CNTNAP3B: variants seen among roughly 807,000 people sequenced by gnomAD.
CNTNAP3B encodes contactin-associated protein-like 3B.
CNTNAP3B carries 25 observed loss-of-function variants against 108.9 expected under a neutral mutation model. That is an observed-to-expected ratio of 0.23 (90% CI 0.17 to 0.32). The LOEUF (loss-of-function observed/expected upper bound fraction) is 0.32, where lower values mean the gene tolerates loss of function less well. CNTNAP3B is among the 10% of genes least tolerant of loss of function. The pLI, the probability that CNTNAP3B is intolerant of heterozygous loss-of-function variation, is 1.00. For missense variants in CNTNAP3B, 252 were observed against 1,210.4 expected, an observed-to-expected ratio of 0.21 and a Z score of 11.75; for synonymous variants, 103 against 473.4, an observed-to-expected ratio of 0.22 and a Z score of 10.16.
At chr9:41,976,892 C>T (rs1376183225) in intron 9 of CNTNAP3B, among the ~76,000 whole-genome samples, 3 of 136,544 alleles carry the variant, frequency 2.2e-5, no homozygotes, top group Non-Finnish European at 4.7e-5. Context: ...TGCACTCCAG[C>T]CTGGGCAACA....
intron 2 of CNTNAP3B, among the ~76,000 whole-genome samples, chr9:42,097,029 G>A (rs1215116819): frequency 1.5e-5 from 2 of 137,806 alleles, no homozygotes; most frequent in Admixed American, 1.4e-4. Context: ...TGGGATTACA[G>A]GCGTGAACCA....
At chr9:41,968,862 A>G (rs2118254928) in intron 10 of CNTNAP3B, among the ~76,000 whole-genome samples, 1 of 150,494 alleles carries the variant, frequency 6.6e-6, no homozygotes, top group Non-Finnish European at 1.5e-5. Flanking sequence ...CAGTGGCACT[A>G]TCTCATTCAC....
intron 2 of CNTNAP3B, among the ~76,000 whole-genome samples, chr9:42,103,296 A>AATTGTTC (rs1274553339): frequency 6.7e-6 from 1 of 149,174 alleles, no homozygotes; most frequent in African/African-American, 2.6e-5. Flanking sequence ...TGAAAAGTTA[A>AATTGTTC]ATTGTTCATG....
intron 3 of CNTNAP3B, among the ~76,000 whole-genome samples, chr9:42,058,272 T>G (rs538389995): frequency 0.025 from 3,834 of 151,252 alleles, 55 homozygotes; most frequent in African/African-American, 0.089. Flanking sequence ...TATTTTTGAT[T>G]TTTTGAGGAA....
chr9:41,967,492 A>G (rs1170891011), intron 10 of CNTNAP3B, among the ~76,000 whole-genome samples: 1 of 152,380 alleles, frequency 6.6e-6, no homozygotes, highest in Non-Finnish European at 1.5e-5. Context: ...AGTCTTGGGT[A>G]TATCTTTATT....
chr9:41,968,691 G>A (rs1161578192), intron 10 of CNTNAP3B, among the ~76,000 whole-genome samples: 1 of 142,024 alleles, frequency 7.0e-6, no homozygotes, highest in Non-Finnish European at 1.5e-5. Flanking sequence ...ATTAAAACCT[G>A]TTTAGCCAGA....
chr9:42,044,693 G>A (rs1026470576), intron 3 of CNTNAP3B, among the ~76,000 whole-genome samples: 31 of 147,506 alleles, frequency 2.1e-4, no homozygotes, highest in Admixed American at 1.8e-3. Context: ...AAAAGACTAC[G>A]TTGGCCCACT....
intron 1 of CNTNAP3B, among the ~76,000 whole-genome samples, chr9:42,116,378 T>G (rs1217608051): frequency 7.7e-6 from 1 of 129,704 alleles, no homozygotes; most frequent in African/African-American, 3.2e-5. Flanking sequence ...TCAACATTCT[T>G]AAAGAAAAGA....
chr9:41,943,680 C>T (rs956313319), intron 13 of CNTNAP3B, among the ~76,000 whole-genome samples: 2 of 148,100 alleles, frequency 1.4e-5, no homozygotes, highest in Admixed American at 1.3e-4. Context: ...AACGGTGTAA[C>T]CTATGTAACC....
chr9:42,056,491 C>G (rs918451107), intron 3 of CNTNAP3B, among the ~76,000 whole-genome samples: 1 of 137,314 alleles, frequency 7.3e-6, no homozygotes, highest in Non-Finnish European at 1.6e-5. Context: ...GCTGGGACTA[C>G]AGGCGCCCGC....
chr9:41,934,487 C>T (rs1824094476), intron 14 of CNTNAP3B, among the ~76,000 whole-genome samples: 1 of 152,260 alleles, frequency 6.6e-6, no homozygotes, highest in Non-Finnish European at 1.5e-5. Flanking sequence ...TCCCAAAGTG[C>T]TGGGATTACA....
chr9:42,123,929 G>T (rs1384238744), intron 1 of CNTNAP3B, among the ~76,000 whole-genome samples: 1 of 122,644 alleles, frequency 8.2e-6, no homozygotes, highest in African/African-American at 3.4e-5. Flanking sequence ...ATTGCCAATG[G>T]TTCATAAACA....
At chr9:41,934,126 C>CACACACATATATATAT (rs1824074842) in intron 14 of CNTNAP3B, among the ~76,000 whole-genome samples, 2 of 22,296 alleles carry the variant, frequency 9.0e-5, no homozygotes, top group South Asian at 1.2e-3. Context: ...TATATATACA[C>CACACACATATATATAT]ACACATATAT....
intron 2 of CNTNAP3B, among the ~76,000 whole-genome samples, chr9:42,098,293 G>A (rs1827950415): frequency 7.7e-6 from 1 of 129,518 alleles, no homozygotes; most frequent in South Asian, 2.6e-4. Flanking sequence ...AGATAACTAG[G>A]CTGGGCGTGG....
chr9:42,001,487 AAAAT>A (rs1332810129), intron 4 of CNTNAP3B, among the ~76,000 whole-genome samples: 1 of 136,332 alleles, frequency 7.3e-6, no homozygotes, highest in Non-Finnish European at 1.6e-5. Context: ...ATAATACACT[AAAAT>A]AAAATAATTC....
chr9:42,084,351 C>G (rs961322665), intron 2 of CNTNAP3B, among the ~76,000 whole-genome samples: 2 of 115,938 alleles, frequency 1.7e-5, no homozygotes, highest in Non-Finnish European at 3.6e-5. Flanking sequence ...GCGGAGAGGG[C>G]TGGAATGGAG....
rs1404097616 is a variant in CNTNAP3B at position 42,046,154 on chromosome 9, C to T, written c.390+30715G>A. On this transcript the variant is annotated intron_variant, in intron 3 of 23. Coordinates refer to ENST00000377561, the MANE Select transcript of CNTNAP3B (RefSeq NM_001201380.3). ...GAGAAACTTCCAGTAGAAAATCCTG[C>T]CACCCTGAGAAACCAGGAGTTTCCA... Among the ~76,000 whole-genome samples the T allele has an allele frequency of 4.3e-4, 52 of 121,024 alleles. 2 individuals carry two copies. The highest frequency in any genetic ancestry group is 6.8e-4 in the Admixed American group (8 of 11,834). The allele number at this position is 121,024 out of a possible 152,430, so 79.4% of individuals were successfully genotyped here.
chr9:41,957,914 C>G (rs1272574707), intron 12 of CNTNAP3B, among the ~76,000 whole-genome samples: 2 of 152,136 alleles, frequency 1.3e-5, no homozygotes, highest in Non-Finnish European at 2.9e-5. Context: ...GCACCCGCCA[C>G]TACGCCCGGC....
chr9:41,923,870 T>A (rs1230704127), intron 16 of CNTNAP3B, 53 bp downstream of exon 16: 2 of 1,600,486 alleles, frequency 1.2e-6, no homozygotes, highest in East Asian at 2.2e-5. Context: ...GAGTTAAAGC[T>A]TTTATTGCTA....
Sources: allele counts gnomAD v4.1 joint callset (sites outside exome capture counted in the v4.1 genomes callset), GRCh38; gene constraint gnomAD v4.1.1; transcripts MANE v1.5; gene names NCBI Gene and HGNC (gene_info 2026-07-23, HGNC 2026-07-21).